The following AKAP6 variants were observed in gnomAD, a reference collection of about 807,000 sequenced individuals.
The protein encoded by AKAP6 is A-kinase anchoring protein 6.
In AKAP6, 58 loss-of-function variants were observed where a neutral mutation model predicts 188.5. The ratio of observed to expected loss-of-function variants is 0.31; its 90% confidence interval spans 0.25 to 0.38. The LOEUF is 0.38. Among genes scored for constraint, AKAP6 ranks in the 10% least tolerant of loss-of-function variants. AKAP6 has a pLI of 1.00. For missense variants in AKAP6, 2,710 were observed against 2,740.0 expected, an observed-to-expected ratio of 0.99 and a Z score of 0.24; for synonymous variants, 989 against 998.6, an observed-to-expected ratio of 0.99 and a Z score of 0.18.
At position 32,837,645 on chromosome 14, in the gene AKAP6, G is replaced by T. The variant is rs1331788066; in HGVS notation, c.*7840G>T. 1 of 152,160 alleles carries T rather than the reference G, an allele frequency of 6.6e-6. No individual in the cohort carries two copies. Among genetic ancestry groups the T allele is most frequent in the Non-Finnish European group, 1.5e-5 (1 of 68,032 alleles). 9.4% of individuals were successfully genotyped at this position (152,160 alleles called of 1,614,324 possible). The stretch of plus-strand genomic sequence containing the variant: ...TCTTTTTATATAGAAAGCCAAGTTG[G>T]TGGAATTTATCTTGTCATTAAAATG... On this transcript the variant is annotated 3_prime_UTR_variant, in exon 14 of 14. Transcript: ENST00000280979.
intron 2 of AKAP6, among the ~76,000 whole-genome samples, chr14:32,466,691 A>T (rs910437793): frequency 3.3e-5 from 5 of 149,486 alleles, no homozygotes; most frequent in African/African-American, 1.2e-4. Flanking sequence ...ATGTATACCT[A>T]TGTAACAAAC....
intron 4 of AKAP6, among the ~76,000 whole-genome samples, chr14:32,571,144 G>A (rs1185635504): frequency 6.6e-6 from 1 of 152,022 alleles, no homozygotes; most frequent in Non-Finnish European, 1.5e-5. Context: ...CCATCTGAGG[G>A]TTATTTGTTT....
intron 12 of AKAP6, among the ~76,000 whole-genome samples, chr14:32,803,848 C>A (rs2034020267): frequency 6.6e-6 from 1 of 152,200 alleles, no homozygotes; most frequent in African/African-American, 2.4e-5. Flanking sequence ...TCTTCCTTGA[C>A]AAACTGATTC....
intron 2 of AKAP6, among the ~76,000 whole-genome samples, chr14:32,524,851 A>G (rs1051841758): frequency 2.0e-5 from 3 of 152,180 alleles, no homozygotes; most frequent in African/African-American, 7.2e-5. Flanking sequence ...TGTGGTGCAT[A>G]GAACACCAGC....
At chr14:32,446,639 G>GAA (rs896136906) in intron 2 of AKAP6, among the ~76,000 whole-genome samples, 7 of 151,690 alleles carry the variant, frequency 4.6e-5, no homozygotes, top group African/African-American at 7.3e-5. Flanking sequence ...ATTAGGCTTA[G>GAA]ATTTCCTATA....
chr14:32,331,441 G>A (rs1049938970), intron 1 of AKAP6, among the ~76,000 whole-genome samples: 2 of 152,024 alleles, frequency 1.3e-5, no homozygotes, highest in Non-Finnish European at 2.9e-5. Flanking sequence ...TCCCGGTTCA[G>A]ACAACCCTGT....
intron 5 of AKAP6, among the ~76,000 whole-genome samples, chr14:32,596,205 G>A (rs1330106967): frequency 6.6e-6 from 1 of 152,106 alleles, no homozygotes; most frequent in Non-Finnish European, 1.5e-5. Flanking sequence ...TCTTGTACCA[G>A]GATATCTGTT....
intron 1 of AKAP6, among the ~76,000 whole-genome samples, chr14:32,359,351 A>G (rs534277694): frequency 2.0e-5 from 3 of 152,172 alleles, no homozygotes; most frequent in African/African-American, 7.2e-5. Context: ...TGTAAAATAC[A>G]TACAAAAAGC....
At chr14:32,426,358 C>T (rs1470273896) in intron 1 of AKAP6, among the ~76,000 whole-genome samples, 4 of 151,960 alleles carry the variant, frequency 2.6e-5, no homozygotes, top group African/African-American at 9.7e-5. Flanking sequence ...TTATAATTTC[C>T]TTGAGGGTGA....
intron 1 of AKAP6, among the ~76,000 whole-genome samples, chr14:32,330,665 T>C (rs1420079627): frequency 4.7e-5 from 7 of 150,322 alleles, no homozygotes; most frequent in Non-Finnish European, 7.4e-5. Context: ...GCTAAAGAGA[T>C]ATATCATGGA....
At chr14:32,592,477 GC>G (rs2139323624) in intron 5 of AKAP6, among the ~76,000 whole-genome samples, 1 of 152,258 alleles carries the variant, frequency 6.6e-6, no homozygotes, top group South Asian at 2.1e-4. Context: ...AGCTTGCCAG[GC>G]AGAAGTGCCA....
chr14:32,509,442 T>C (rs1170982930), intron 2 of AKAP6, among the ~76,000 whole-genome samples: 1 of 152,166 alleles, frequency 6.6e-6, no homozygotes, highest in African/African-American at 2.4e-5. Context: ...GGATAAGTGG[T>C]AAACAAGATG....
At chr14:32,776,034 T>C (rs543685676) in intron 12 of AKAP6, among the ~76,000 whole-genome samples, 30 of 152,324 alleles carry the variant, frequency 2.0e-4, no homozygotes, top group African/African-American at 7.2e-4. Flanking sequence ...TTATCTCTGT[T>C]GGTTGAGTGA....
At chr14:32,775,894 G>A (rs1283747826) in intron 12 of AKAP6, among the ~76,000 whole-genome samples, 1 of 152,212 alleles carries the variant, frequency 6.6e-6, no homozygotes, top group Non-Finnish European at 1.5e-5. Flanking sequence ...AAAAATGAAG[G>A]TAGCAAATAA....
At chr14:32,760,204 C>G (rs1466967716) in intron 11 of AKAP6, among the ~76,000 whole-genome samples, 1 of 152,140 alleles carries the variant, frequency 6.6e-6, no homozygotes, top group African/African-American at 2.4e-5. Flanking sequence ...TATTCTGACA[C>G]CCCTAGAAGT....
At chr14:32,547,536 T>C (rs972177293) in intron 4 of AKAP6, among the ~76,000 whole-genome samples, 1 of 152,198 alleles carries the variant, frequency 6.6e-6, no homozygotes, top group African/African-American at 2.4e-5. Flanking sequence ...ATATTACCTA[T>C]ACATGTACCA....
In AKAP6 at chr14:32,499,225, A is replaced by G. The variant is rs12147013; in HGVS notation, c.325-36329A>G. Among the ~76,000 whole-genome samples the G allele has an allele frequency of 6.7e-4, 101 of 151,552 alleles. 3 individuals carry two copies. The South Asian group carries it at 0.019, about 28-fold the overall frequency. Reference sequence around the variant, plus strand: ...TTCTTTATCAGAGTAGTGGTTACACATGTGTTCACCTTATGATTATTTGTT... The same window carrying G: ...TTCTTTATCAGAGTAGTGGTTACACGTGTGTTCACCTTATGATTATTTGTT... On this transcript the variant is annotated intron_variant, in intron 2 of 13. Coordinates refer to ENST00000280979, the MANE Select transcript of AKAP6 (RefSeq NM_004274.5).
intron 12 of AKAP6, 108 bp downstream of exon 12, chr14:32,774,001 A>ACTAG (rs2032979516): frequency 1.6e-6 from 2 of 1,229,852 alleles, no homozygotes; most frequent in Middle Eastern, 1.9e-4. Flanking sequence ...TTACTAACTA[A>ACTAG]CTTAAAGTGG....
chr14:32,674,543 A>G (rs1386481721), intron 7 of AKAP6, among the ~76,000 whole-genome samples: 2 of 152,204 alleles, frequency 1.3e-5, no homozygotes, highest in Non-Finnish European at 2.9e-5. Flanking sequence ...GAAGAGGAAG[A>G]GTCAAGAATG....
Sources: allele counts gnomAD v4.1 joint callset (sites outside exome capture counted in the v4.1 genomes callset), GRCh38; gene constraint gnomAD v4.1.1; transcripts MANE v1.5; gene names NCBI Gene and HGNC (gene_info 2026-07-23, HGNC 2026-07-21).